MORN1: variants seen among roughly 807,000 people sequenced by gnomAD.
The protein encoded by MORN1 is MORN repeat containing 1.
In MORN1, 67 loss-of-function variants were observed where a neutral mutation model predicts 61.9. The ratio of observed to expected loss-of-function variants is 1.08; its 90% CI spans 0.89 to 1.33. The LOEUF (loss-of-function observed/expected upper bound fraction) is 1.33. Ranked by LOEUF, MORN1 falls within the 40% of genes most tolerant of loss-of-function variation. The pLI is 0.00. For missense variants in MORN1, 752 were observed against 691.2 expected (o/e 1.09, Z -0.99); for synonymous variants, 301 against 292.0 (o/e 1.03, Z -0.31).
intron 6 of MORN1, chr1:2,377,989 G>C (rs1642280310): frequency 6.6e-6 from 1 of 152,364 alleles, no homozygotes; most frequent in East Asian, 1.9e-4. Flanking sequence ...GGACCCTTCT[G>C]CCTGGGCCCT....
chr1:2,329,874 G>C (rs1433999588), intron 12 of MORN1, among the ~76,000 whole-genome samples: 1 of 152,240 alleles, frequency 6.6e-6, no homozygotes, highest in Non-Finnish European at 1.5e-5. Context: ...CCGTGAGCAG[G>C]CCAGGCTCAG....
chr1:2,389,829 A>G, intron 2 of MORN1, 96 bp downstream of exon 2: 2 of 1,076,310 alleles, frequency 1.9e-6, no homozygotes, highest in Non-Finnish European at 2.9e-6. Flanking sequence ...CGAAAGCTAC[A>G]GGAAATGCCA....
intron 12 of MORN1, chr1:2,332,481 T>TC (rs1641178445): frequency 5.2e-6 from 2 of 385,508 alleles, no homozygotes; most frequent in Admixed American, 3.0e-5. Context: ...TCTCCCATTG[T>TC]CCCCCTCGGC....
rs1270806331 is a variant in MORN1, at chr1:2,348,749, GCA to G, written c.1036+8681_1036+8682del. ...CGCACACGCACACCTGCGCGGGCAC[GCA>G]CACACACGCACACCTGCGCAGGCAC... On this transcript the variant is annotated intron_variant, in intron 10 of 13. Transcript: ENST00000378531. 8.2e-4 allele frequency among the ~76,000 whole-genome samples: 57 copies of G among 69,910 alleles called. 1 individual carries two copies. The East Asian group carries it at 0.021, about 26-fold the overall frequency. 45.9% of individuals were successfully genotyped at this position (69,910 alleles called of 152,430 possible).
Position 2,340,203 on chromosome 1 carries a change from C to T in MORN1, c.1037-3353G>A, listed in dbSNP as rs78146089. Among the ~76,000 whole-genome samples, 1,031 of 152,268 alleles carry T rather than the reference C, an allele frequency of 6.8e-3. 13 individuals carry two copies. The highest frequency in any genetic ancestry group is 0.024 in the African/African-American group (982 of 41,554). ...GGTAGGCTTGCCCCTCCTCTGTTCA[C>T]ACCCCTCTTTGGGTGGTCACCTCGC... On this transcript the variant is annotated intron_variant, in intron 10 of 13. Coordinates refer to ENST00000378531, the MANE Select transcript of MORN1 (RefSeq NM_024848.3).
intron 10 of MORN1, among the ~76,000 whole-genome samples, chr1:2,354,752 A>C (rs1449953246): frequency 6.6e-6 from 1 of 152,082 alleles, no homozygotes; most frequent in East Asian, 1.9e-4. Context: ...CCCTTTATGG[A>C]TGAGGAAACT....
intron 12 of MORN1, among the ~76,000 whole-genome samples, chr1:2,330,094 C>T (rs971908961): frequency 6.6e-6 from 1 of 152,246 alleles, no homozygotes; most frequent in Admixed American, 6.5e-5. Context: ...CCTCCTTAAT[C>T]TGCACCCCTC....
chr1:2,329,005 G>T (rs1368315107), intron 12 of MORN1, among the ~76,000 whole-genome samples: 2 of 152,244 alleles, frequency 1.3e-5, no homozygotes, highest in East Asian at 3.9e-4. Flanking sequence ...GTCAGAGCTT[G>T]GATTCTTGGG....
intron 6 of MORN1, among the ~76,000 whole-genome samples, chr1:2,382,236 G>A (rs542796636): frequency 2.0e-5 from 3 of 152,320 alleles, no homozygotes; most frequent in African/African-American, 7.2e-5. Context: ...CCTGGGCCAT[G>A]AGACAGGCCC....
intron 10 of MORN1, among the ~76,000 whole-genome samples, chr1:2,345,531 G>C (rs1343853829): frequency 6.6e-6 from 1 of 152,328 alleles, no homozygotes; most frequent in South Asian, 2.1e-4. Context: ...CCCTCAGGCC[G>C]CTCAGAGGGC....
chr1:2,341,705 A>AAAAAG (rs1553210736), intron 10 of MORN1, among the ~76,000 whole-genome samples: 1 of 150,672 alleles, frequency 6.6e-6, no homozygotes, highest in East Asian at 2.0e-4. Context: ...AAAAAAAAAA[A>AAAAAG]AAAAAGAAAA....
At chr1:2,348,220 T>C (rs897101035) in intron 10 of MORN1, among the ~76,000 whole-genome samples, 2 of 152,248 alleles carry the variant, frequency 1.3e-5, no homozygotes, top group Non-Finnish European at 2.9e-5. Flanking sequence ...TTCCCCCGTG[T>C]GGCCGTGTCT....
chr1:2,370,288 T>A (rs1557885901), intron 8 of MORN1, among the ~76,000 whole-genome samples: 1 of 152,100 alleles, frequency 6.6e-6, no homozygotes, highest in Non-Finnish European at 1.5e-5. Flanking sequence ...TGATTGAACA[T>A]CCCCATGAAG....
chr1:2,353,133 G>A (rs1202970571), intron 10 of MORN1, among the ~76,000 whole-genome samples: 3 of 152,254 alleles, frequency 2.0e-5, no homozygotes, highest in South Asian at 2.1e-4. Flanking sequence ...AGGGAAGGAC[G>A]CCTGTCTGGG....
intron 9 of MORN1, 96 bp downstream of exon 9, chr1:2,358,496 C>T (rs1354359005): frequency 2.0e-6 from 3 of 1,503,336 alleles, no homozygotes; most frequent in East Asian, 2.3e-5. Flanking sequence ...CAGGACTTAG[C>T]CCAGGTCTCT....
rs1462541479 is a variant in MORN1, at chr1:2,385,828, C to A, written c.428G>T (p.Gly143Val). ...TCACTGAAAGAGCATCTGCCCAGGG[C>A]CGTGCCTCTTGTTGTCATGGAAGGA... ...QGSFHDNKRH[G>V]PGQMLFQNGD... The change falls in exon 5 of 14, where the codon GGC becomes GTC. Residue 143 changes from glycine to valine, a missense_variant. Physicochemically the swap from Gly to Val is moderately radical, Grantham distance 109. Transcript: ENST00000378531. 7.4e-6 allele frequency: 12 copies of A among 1,613,928 alleles called. No individual in the cohort carries two copies. Among genetic ancestry groups the A allele is most frequent in the Non-Finnish European group, 1.0e-5 (12 of 1,179,988 alleles).
intron 2 of MORN1, among the ~76,000 whole-genome samples, chr1:2,389,106 C>G (rs1259064874): frequency 7.5e-6 from 1 of 132,650 alleles, no homozygotes; most frequent in Non-Finnish European, 1.6e-5. Flanking sequence ...GAGCAAAACT[C>G]TGTCTCCAAA....
At chr1:2,379,034 A>G (rs1483000892) in intron 6 of MORN1, 8 of 471,124 alleles carry the variant, frequency 1.7e-5, no homozygotes, top group Admixed American at 2.3e-5. Context: ...CATTTTTAAA[A>G]AAAGGTTCTT....
At chr1:2,325,150 T>TC (rs1640989172) in intron 12 of MORN1, among the ~76,000 whole-genome samples, 1 of 111,548 alleles carries the variant, frequency 9.0e-6, no homozygotes, top group African/African-American at 3.3e-5. Flanking sequence ...CTCCCTCCCT[T>TC]CCTTCCCTCC....
Sources: allele counts gnomAD v4.1 joint callset (sites outside exome capture counted in the v4.1 genomes callset), GRCh38; gene constraint gnomAD v4.1.1; transcripts MANE v1.5; gene names NCBI Gene and HGNC (gene_info 2026-07-23, HGNC 2026-07-21).